ZNF385C: variants seen among roughly 807,000 people sequenced by gnomAD.
ZNF385C encodes CTD-2132N18.2.
A neutral mutation model predicts 35.4 loss-of-function variants in ZNF385C; 28 were observed. The ratio of observed to expected loss-of-function variants is 0.79; its 90% CI spans 0.59 to 1.08. ZNF385C has a LOEUF of 1.08. Ranked by LOEUF, ZNF385C falls within the 50% of genes least tolerant of loss-of-function variation. The pLI is 0.00. For synonymous variants in ZNF385C, 248 were observed against 248.2 expected (o/e 1.00, Z 0.01); for missense variants, 605 against 595.6 (o/e 1.02, Z -0.16).
rs1380571533 is a variant in ZNF385C at position 42,047,755 on chromosome 17, G to A, written c.251-9870C>T. On this transcript the variant is annotated intron_variant, in intron 2 of 8. Transcript: ENST00000692273. ...TGCAACCTCCGCCTCCTGGGTTCAA[G>A]CGATTCTCCTGCCTCAGCCTCCTGA... Among the ~76,000 whole-genome samples the A allele has an allele frequency of 2.0e-5, 3 of 151,600 alleles. No homozygotes were observed. The East Asian group carries it at 5.8e-4, about 29-fold the overall frequency.
chr17:42,060,227 T>G (rs1426964265), intron 2 of ZNF385C, among the ~76,000 whole-genome samples: 1 of 152,122 alleles, frequency 6.6e-6, no homozygotes, highest in East Asian at 1.9e-4. Flanking sequence ...CCACATCCCA[T>G]TGGCCACCAA....
At position 42,025,673 on chromosome 17, in the gene ZNF385C, C is replaced by G. The variant is rs1383379729; in HGVS notation, c.*1224G>C. The G allele has an allele frequency of 1.3e-5, 2 of 152,470 alleles. No homozygotes were observed. Among genetic ancestry groups the G allele is most frequent in the Admixed American group, 1.3e-4 (2 of 15,262 alleles). 9.4% of individuals were successfully genotyped at this position (152,470 alleles called of 1,614,324 possible). A position where few individuals can be genotyped will look rare whatever the true frequency, so the allele number is the denominator to read the frequency against. Reference sequence around the variant, plus strand: ...CTCCCCTCCCCCTTTTTCTGGTTCTCCCATTGGAAATGTCTTTAAAAAACA... The same window carrying G: ...CTCCCCTCCCCCTTTTTCTGGTTCTGCCATTGGAAATGTCTTTAAAAAACA... On this transcript the variant is annotated 3_prime_UTR_variant, in exon 9 of 9. Transcript: ENST00000692273.
intron 2 of ZNF385C, among the ~76,000 whole-genome samples, chr17:42,055,242 G>A (rs946122640): frequency 6.6e-6 from 1 of 152,202 alleles, no homozygotes; most frequent in African/African-American, 2.4e-5. Context: ...GCTCTGGGGG[G>A]AGGAGTTGTT....
intron 2 of ZNF385C, chr17:42,041,210 AAGGG>A (rs536411277): frequency 9.3e-5 from 115 of 1,232,540 alleles, no homozygotes; most frequent in Admixed American, 2.5e-4. Flanking sequence ...CAGGGAAAGA[AAGGG>A]AGGGAGGACT....
intron 2 of ZNF385C, chr17:42,043,449 G>C (rs1460903323): frequency 2.5e-6 from 3 of 1,196,498 alleles, no homozygotes; most frequent in Non-Finnish European, 3.1e-6. Context: ...CCACACACAG[G>C]CACCTCCCTT....
chr17:42,093,035 C>T (rs895688267), intron 1 of ZNF385C, among the ~76,000 whole-genome samples: 12 of 152,328 alleles, frequency 7.9e-5, no homozygotes, highest in African/African-American at 7.2e-5. Context: ...CCTTGCCCCA[C>T]CCAAGGAAAT....
At chr17:42,049,033 A>G (rs1354741971) in intron 2 of ZNF385C, among the ~76,000 whole-genome samples, 1 of 151,806 alleles carries the variant, frequency 6.6e-6, no homozygotes, top group Non-Finnish European at 1.5e-5. Context: ...AGGTCTGCCA[A>G]ATGCCCAGGG....
At chr17:42,034,088 C>T (rs2052787830) in intron 4 of ZNF385C, 137 bp downstream of exon 4, 2 of 716,820 alleles carry the variant, frequency 2.8e-6, no homozygotes, top group Non-Finnish European at 4.9e-6. Flanking sequence ...AGTGCCTCTT[C>T]TGCAGCCAGG....
intron 2 of ZNF385C, chr17:42,040,925 T>TGA: frequency 8.1e-7 from 1 of 1,232,200 alleles, no homozygotes; most frequent in South Asian, 4.1e-5. Flanking sequence ...AGGCTTGAGC[T>TGA]GAGCCAGGCC....
intron 2 of ZNF385C, chr17:42,043,529 C>A (rs1370285386): frequency 1.9e-6 from 1 of 530,206 alleles, no homozygotes; most frequent in Non-Finnish European, 2.9e-6. Flanking sequence ...TCCATCTAAG[C>A]CTGGAGAGTT....
At position 42,025,909 on chromosome 17, in the gene ZNF385C, T is replaced by C. The variant is rs1555654131; in HGVS notation, c.*988A>G. On this transcript the variant is annotated 3_prime_UTR_variant, in exon 9 of 9. Coordinates refer to ENST00000692273, the MANE Select transcript of ZNF385C (RefSeq NM_001392013.1). ...GCTGAATTTAGTGCTAGGACCAGTT[T>C]GGAGTGGGAAGCTGTAGGGGAAAGC... The C allele has an allele frequency of 2.0e-5, 3 of 152,146 alleles. No homozygotes were observed. Among genetic ancestry groups the C allele is most frequent in the Non-Finnish European group, 4.4e-5 (3 of 68,078 alleles). 9.4% of individuals were successfully genotyped at this position (152,146 alleles called of 1,614,324 possible).
chr17:42,040,313 C>T (rs2052985650), intron 2 of ZNF385C: 3 of 1,231,658 alleles, frequency 2.4e-6, no homozygotes, highest in South Asian at 8.2e-5. Flanking sequence ...AGCAGCTCCA[C>T]GCCGCGGTAG....
chr17:42,028,396 T>A, intron 6 of ZNF385C, 150 bp from the exon 7 acceptor site: 1 of 798,374 alleles, frequency 1.3e-6, no homozygotes, highest in Non-Finnish European at 1.9e-6. Flanking sequence ...TGGTTTCCCC[T>A]CCCAGCTTCT....
intron 1 of ZNF385C, among the ~76,000 whole-genome samples, chr17:42,087,466 C>T (rs1175965132): frequency 6.6e-6 from 1 of 152,170 alleles, no homozygotes; most frequent in Non-Finnish European, 1.5e-5. Context: ...ACATCAGAAG[C>T]CATTTGCTCA....
In ZNF385C at chr17:42,033,660, C is replaced by T. The variant is rs933478133; in HGVS notation, c.510+565G>A. 4.6e-5 allele frequency among the ~76,000 whole-genome samples: 7 copies of T among 152,030 alleles called. No individual in the cohort carries two copies. The East Asian group carries it at 5.8e-4, about 13-fold the overall frequency. On this transcript the variant is annotated intron_variant, in intron 4 of 8. Coordinates refer to ENST00000692273, the MANE Select transcript of ZNF385C (RefSeq NM_001392013.1). ...CCCAGCTACTAGGGAAGCTGAGGCACAAGAATCACTTGAACCCTGGAGGTG... is the reference window on the plus strand; with the variant it reads ...CCCAGCTACTAGGGAAGCTGAGGCATAAGAATCACTTGAACCCTGGAGGTG...
At chr17:42,064,696 C>T (rs1555658331) in intron 1 of ZNF385C, among the ~76,000 whole-genome samples, 1 of 152,072 alleles carries the variant, frequency 6.6e-6, no homozygotes, top group African/African-American at 2.4e-5. Context: ...TCTCAAGTAG[C>T]TGGGACTACA....
intron 3 of ZNF385C, among the ~76,000 whole-genome samples, chr17:42,035,092 C>G (rs1465224182): frequency 1.8e-5 from 2 of 112,778 alleles, no homozygotes; most frequent in Non-Finnish European, 3.3e-5. Context: ...GCACTCCAGC[C>G]TGGGCAACAG....
rs1485629941 is a variant in ZNF385C at position 42,095,174 on chromosome 17, A to G, written c.-3+3236T>C. Among the ~76,000 whole-genome samples, 1 of 152,212 alleles carries G rather than the reference A, an allele frequency of 6.6e-6. No homozygotes were observed. On this transcript the variant is annotated intron_variant, in intron 1 of 8. Coordinates refer to ENST00000692273, the MANE Select transcript of ZNF385C (RefSeq NM_001392013.1). The surrounding 1 kb of genome is among the most constrained non-coding windows in gnomAD (Gnocchi z 4.4). The stretch of plus-strand genomic sequence containing the variant: ...AGGCTGTTCCTCAAATAGCCCAATC[A>G]GAAACAATGAGTGAGCAGAGACAGC...
intron 2 of ZNF385C, chr17:42,040,812 C>A (rs969419967): frequency 1.6e-6 from 2 of 1,232,148 alleles, no homozygotes; most frequent in Non-Finnish European, 2.0e-6. Context: ...CCAAGTAGGC[C>A]GGGGGCTCAG....
Sources: allele counts gnomAD v4.1 joint callset (sites outside exome capture counted in the v4.1 genomes callset), GRCh38; gene constraint gnomAD v4.1.1; non-coding constraint Gnocchi (gnomAD v3.1); transcripts MANE v1.5; gene names NCBI Gene and HGNC (gene_info 2026-07-23, HGNC 2026-07-21).